Variants in KLRK1 observed in about 807,000 individuals in gnomAD.
The protein encoded by KLRK1 is killer cell lectin like receptor K1, also known as NKG2-D type II integral membrane protein.
KLRK1 carries 40 observed loss-of-function variants against 31.3 expected under a neutral mutation model. That is an observed-to-expected ratio of 1.28 (90% CI 0.99 to 1.67). The LOEUF is 1.67. Among genes scored for constraint, KLRK1 ranks in the 40% most tolerant of loss-of-function variants. KLRK1 has a pLI of 0.00. For synonymous variants in KLRK1, 77 were observed against 77.3 expected (o/e 1.00, Z 0.02); for missense variants, 251 against 260.0 (o/e 0.97, Z 0.24).
At position 10,379,696 on chromosome 12, in the gene KLRK1, T is replaced by C; in HGVS notation, c.241+4A>G. 6.3e-7 allele frequency: 1 copy of C among 1,599,166 alleles called. No individual in the cohort carries two copies. Among genetic ancestry groups the C allele is most frequent in the Non-Finnish European group, 8.5e-7 (1 of 1,174,158 alleles). On this transcript the variant is annotated splice_donor_region_variant and intron_variant, in intron 4 of 7. Transcript: ENST00000240618. ...TTGCAATCTACTTCTCTGTTGTCACTTACAGTTTAGGAATACAGCACTCCA... is the reference window on the plus strand; with the variant it reads ...TTGCAATCTACTTCTCTGTTGTCACCTACAGTTTAGGAATACAGCACTCCA...
chr12:10,379,495 C>A lies in KLRK1; in HGVS notation c.242-13G>T. The A allele has an allele frequency of 1.4e-6, 2 of 1,461,656 alleles. No individual in the cohort carries two copies. The highest frequency in any genetic ancestry group is 1.9e-6 in the Non-Finnish European group (2 of 1,070,114). 90.5% of individuals were successfully genotyped at this position (1,461,656 alleles called of 1,614,324 possible). The stretch of plus-strand genomic sequence containing the variant: ...TGGTTGAATAATGCTATTAAAATAA[C>A]CATAAGTATTAAAAGTTTGTATTGT... On this transcript the variant is annotated splice_polypyrimidine_tract_variant and intron_variant, in intron 4 of 7. Coordinates refer to ENST00000240618, the MANE Select transcript of KLRK1 (RefSeq NM_007360.4).
chr12:10,379,784 A>T lies in KLRK1; in HGVS notation c.157T>A (p.Phe53Ile), dbSNP rs1863035838. 6.2e-7 allele frequency: 1 copy of T among 1,611,296 alleles called. No homozygotes were observed. The highest frequency in any genetic ancestry group is 1.3e-5 in the African/African-American group (1 of 74,880). ...KSKCRENASP[F>I]FFCCFIAVAM... The stretch of plus-strand genomic sequence containing the variant: ...ACAGCGATGAAGCAGCAGAAAAAAA[A>T]TGGAGATGCTGTCAAAGAAAAAAGA... The change falls in exon 4 of 8, where the codon TTT (phenylalanine) becomes ATT (isoleucine). Residue 53 changes from phenylalanine (F) to isoleucine (I), a missense_variant. Physicochemically the swap from Phe to Ile is conservative, Grantham distance 21. Coordinates refer to ENST00000240618, the MANE Select transcript of KLRK1 (RefSeq NM_007360.4).
chr12:10,388,384 T>A (rs1429280524), intron 2 of KLRK1, among the ~76,000 whole-genome samples: 1 of 152,156 alleles, frequency 6.6e-6, no homozygotes, highest in African/African-American at 2.4e-5. Context: ...CTAAGATAAA[T>A]ATGGAATGTT....
chr12:10,388,963 AC>A, intron 1 of KLRK1, 88 bp from the exon 2 acceptor site: 2 of 856,384 alleles, frequency 2.3e-6, no homozygotes, highest in Non-Finnish European at 3.5e-6. Flanking sequence ...AAATGCAGAA[AC>A]TTTTCCCCTG....
At position 10,378,621 on chromosome 12, in the gene KLRK1, T is replaced by C. The variant is rs1329705158; in HGVS notation, c.362A>G (p.Tyr121Cys). 1.9e-6 allele frequency: 3 copies of C among 1,612,874 alleles called. No individual in the cohort carries two copies. Among genetic ancestry groups the C allele is most frequent in the Non-Finnish European group, 2.5e-6 (3 of 1,179,754 alleles). ...YQFFDESKNW[Y>C]ESQASCMSQN... ...AGACATACAAGAAGCCTGGCTCTCA[T>C]ACCAGTTTTTACTCTCATCAAAAAA... The change falls in exon 6 of 8, where the codon TAT becomes TGT. Residue 121 changes from tyrosine to cysteine, a missense_variant. Transcript: ENST00000240618.
At chr12:10,378,758 A>G (rs1591581041) in intron 5 of KLRK1, 53 bp from the exon 6 acceptor site, 1 of 1,524,998 alleles carries the variant, frequency 6.6e-7, no homozygotes, top group Non-Finnish European at 8.7e-7. Flanking sequence ...ATTATAGCAG[A>G]TTTTGTCTAG....
intron 5 of KLRK1, 57 bp from the exon 6 acceptor site, chr12:10,378,762 T>G: frequency 1.3e-6 from 2 of 1,518,470 alleles, no homozygotes; most frequent in Non-Finnish European, 1.8e-6. Context: ...TAGCAGATTT[T>G]GTCTAGACAA....
intron 3 of KLRK1, among the ~76,000 whole-genome samples, chr12:10,381,545 GATAA>G (rs1250008887): frequency 1.3e-5 from 2 of 151,932 alleles, no homozygotes; most frequent in South Asian, 2.1e-4. Context: ...AAACCACAAA[GATAA>G]ATAATGATAG....
rs1047868563 is a variant in KLRK1 at position 10,378,589 on chromosome 12, C to A, written c.394G>T (p.Ala132Ser). 9 of 1,611,726 alleles carry A rather than the reference C, an allele frequency of 5.6e-6. No homozygotes were observed. Among genetic ancestry groups the A allele is most frequent in the African/African-American group, 5.4e-5 (4 of 74,660 alleles). ...TTGCTGTATACTTTCAGAAGGCTGG[C>A]ATTTTGAGACATACAAGAAGCCTGG... ...ESQASCMSQNASLLKVYSKED... is the reference protein window; with the variant it reads ...ESQASCMSQNSSLLKVYSKED... The change falls in exon 6 of 8, where the codon GCC becomes TCC. Residue 132 changes from alanine (A) to serine (S), a missense_variant. Transcript: ENST00000240618.
At chr12:10,386,691 T>G (rs1863172376) in intron 3 of KLRK1, among the ~76,000 whole-genome samples, 1 of 151,928 alleles carries the variant, frequency 6.6e-6, no homozygotes, top group Admixed American at 6.6e-5. Context: ...GATAATAAAC[T>G]CATCATTTTT....
At chr12:10,384,346 A>G (rs1863129443) in intron 3 of KLRK1, among the ~76,000 whole-genome samples, 1 of 152,096 alleles carries the variant, frequency 6.6e-6, no homozygotes, top group Non-Finnish European at 1.5e-5. Context: ...ACCTGACTTC[A>G]ATATATACGA....
At chr12:10,389,655 A>C (rs1327937016) in intron 1 of KLRK1, among the ~76,000 whole-genome samples, 3 of 152,190 alleles carry the variant, frequency 2.0e-5, no homozygotes, top group African/African-American at 4.8e-5. Flanking sequence ...CTCATCCTAA[A>C]TGTAAAGATT....
At chr12:10,377,809 TGTCTG>T (rs907378668) in intron 7 of KLRK1, among the ~76,000 whole-genome samples, 4 of 152,244 alleles carry the variant, frequency 2.6e-5, no homozygotes, top group African/African-American at 9.6e-5. Context: ...TATCTCAACA[TGTCTG>T]GTAATAAATT....
At chr12:10,376,619 C>CA (rs1442074116) in intron 7 of KLRK1, among the ~76,000 whole-genome samples, 2 of 151,712 alleles carry the variant, frequency 1.3e-5, no homozygotes, top group Admixed American at 6.6e-5. Context: ...ACTAAAAAAG[C>CA]AAATTTAACC....
intron 5 of KLRK1, chr12:10,379,234 AG>A (rs10540330): frequency 0.12 from 14,672 of 119,184 alleles, 1,791 homozygotes; most frequent in East Asian, 0.16. Context: ...AAAAAAAAAA[AG>A]AGAGAGAGAG....
At chr12:10,385,472 A>T (rs1341779991) in intron 3 of KLRK1, among the ~76,000 whole-genome samples, 1 of 151,998 alleles carries the variant, frequency 6.6e-6, no homozygotes, top group African/African-American at 2.4e-5. Context: ...TGGATGAGTC[A>T]GAAGTACATA....
rs561156125 is a variant in KLRK1 at position 10,375,000 on chromosome 12, A to AT, written c.534-1770dup. On this transcript the variant is annotated intron_variant, in intron 7 of 7. Coordinates refer to ENST00000240618, the MANE Select transcript of KLRK1 (RefSeq NM_007360.4). ...GTAGATAGGAAAATATTGAGAAACT[A>AT]TGATATAAACTCTTATTTTTTAGAG... Among the ~76,000 whole-genome samples the AT allele has an allele frequency of 1.6e-4, 25 of 151,864 alleles. 1 individual carries two copies. The highest frequency in any genetic ancestry group is 3.2e-4 in the Non-Finnish European group (22 of 67,974).
intron 7 of KLRK1, among the ~76,000 whole-genome samples, chr12:10,376,346 C>G (rs1291745907): frequency 6.6e-6 from 1 of 151,984 alleles, no homozygotes; most frequent in Non-Finnish European, 1.5e-5. Context: ...AAATAATTCG[C>G]TAATGAAAAT....
chr12:10,378,228 A>C lies in KLRK1; in HGVS notation c.437T>G (p.Leu146Arg). The C allele has an allele frequency of 1.9e-6, 3 of 1,611,550 alleles. No homozygotes were observed. The highest frequency in any genetic ancestry group is 2.5e-6 in the Non-Finnish European group (3 of 1,179,424). ...CCAATGATATGACTTCACCAGTTTA[A>C]GTAAATCCTGTTTGAAACCACAAAT... is the stretch of plus-strand genomic sequence containing the variant. ...KVYSKEDQDL[L>R]KLVKSYHWMG... The change falls in exon 7 of 8, where the codon CTT becomes CGT. Residue 146 changes from leucine to arginine, a missense_variant. By Grantham distance (102) the Leu-to-Arg change is moderately radical. Coordinates refer to ENST00000240618, the MANE Select transcript of KLRK1 (RefSeq NM_007360.4).
Sources: allele counts gnomAD v4.1 joint callset (sites outside exome capture counted in the v4.1 genomes callset), GRCh38; gene constraint gnomAD v4.1.1; transcripts MANE v1.5; gene names NCBI Gene and HGNC (gene_info 2026-07-23, HGNC 2026-07-21).